Variants in SPPL3 observed in about 807,000 individuals in gnomAD.
SPPL3 encodes signal peptide peptidase like 3.
Under a neutral mutation model 42.4 loss-of-function variants are expected in SPPL3, and 5 were observed. The ratio of observed to expected loss-of-function variants is 0.12; its 90% CI spans 0.06 to 0.25. The LOEUF is 0.25. Ranked by LOEUF, SPPL3 falls within the 10% of genes least tolerant of loss-of-function variation. The probability of loss-of-function intolerance (pLI) is 1.00; values close to 1 mark genes in which losing one functional copy is unlikely to be tolerated. For missense variants in SPPL3, 235 were observed against 489.0 expected (o/e 0.48, Z 4.90); for synonymous variants, 195 against 181.8 (o/e 1.07, Z -0.58).
intron 1 of SPPL3, among the ~76,000 whole-genome samples, chr12:120,839,219 G>A (rs1202978940): frequency 6.6e-6 from 1 of 151,666 alleles, no homozygotes; most frequent in East Asian, 1.9e-4. Context: ...GGACATGGAT[G>A]AAATTGGAAA....
At chr12:120,833,555 C>T (rs957664839) in intron 1 of SPPL3, among the ~76,000 whole-genome samples, 9 of 151,064 alleles carry the variant, frequency 6.0e-5, no homozygotes, top group South Asian at 2.1e-4. Flanking sequence ...ACAAGCCAGG[C>T]GCAGTGGCTC....
At chr12:120,887,318 C>T (rs1873497767) in intron 1 of SPPL3, among the ~76,000 whole-genome samples, 2 of 151,882 alleles carry the variant, frequency 1.3e-5, no homozygotes, top group African/African-American at 4.8e-5. Context: ...ACATATATAC[C>T]ATATATTATA....
At chr12:120,828,603 C>G (rs562404179) in intron 1 of SPPL3, among the ~76,000 whole-genome samples, 43 of 152,246 alleles carry the variant, frequency 2.8e-4, no homozygotes, top group Non-Finnish European at 4.4e-4. Context: ...TTGGAGGATT[C>G]ACATTAACTG....
intron 2 of SPPL3, among the ~76,000 whole-genome samples, chr12:120,796,407 T>C (rs1388063612): frequency 6.6e-6 from 1 of 152,124 alleles, no homozygotes; most frequent in African/African-American, 2.4e-5. Context: ...CATGTATCTA[T>C]CTAACTTTTT....
chr12:120,861,938 T>C (rs187525816), intron 1 of SPPL3, among the ~76,000 whole-genome samples: 32 of 152,302 alleles, frequency 2.1e-4, no homozygotes, highest in Middle Eastern at 3.4e-3. Context: ...ATGTCTTCAA[T>C]TCTAGAATTT....
chr12:120,845,990 C>T (rs567199669), intron 1 of SPPL3, among the ~76,000 whole-genome samples: 1 of 152,028 alleles, frequency 6.6e-6, no homozygotes, highest in Non-Finnish European at 1.5e-5. Flanking sequence ...CTCCGCCTCC[C>T]GGGTTCAAGC....
At position 120,820,303 on chromosome 12, in the gene SPPL3, TA is replaced by T. The variant is rs202230201; in HGVS notation, c.24-9418del. ...ATAGGACTTAATTTGTATCTTTCTC[TA>T]AATTTTTTTTTTTTTTTTTTTTTTT... On this transcript the variant is annotated intron_variant, in intron 1 of 10. Coordinates refer to ENST00000353487, the MANE Select transcript of SPPL3 (RefSeq NM_139015.5). Among the ~76,000 whole-genome samples, 192 of 144,408 alleles carry T rather than the reference TA, an allele frequency of 1.3e-3. 4 individuals carry two copies. The highest frequency in any genetic ancestry group is 3.4e-3 in the Middle Eastern group (1 of 294). 94.7% of individuals were successfully genotyped at this position (144,408 alleles called of 152,430 possible). A position where few individuals can be genotyped will look rare whatever the true frequency, so the allele number is the denominator to read the frequency against.
At chr12:120,794,158 T>C (rs755523607) in intron 2 of SPPL3, among the ~76,000 whole-genome samples, 6 of 152,260 alleles carry the variant, frequency 3.9e-5, no homozygotes, top group Non-Finnish European at 5.9e-5. Context: ...CCTTCTTGTC[T>C]GTGGTAGTAT....
At chr12:120,821,246 T>A (rs1289755337) in intron 1 of SPPL3, among the ~76,000 whole-genome samples, 11 of 152,214 alleles carry the variant, frequency 7.2e-5, no homozygotes, top group Non-Finnish European at 7.3e-5. Flanking sequence ...CATTAAAGGC[T>A]TCGATGGCAA....
Position 120,783,704 on chromosome 12 carries a change from TA to T in SPPL3, c.358del (p.Tyr120IlefsTer2), listed in dbSNP as rs1215010883. The T allele has an allele frequency of 6.2e-7, 1 of 1,613,798 alleles. No individual in the cohort carries two copies. The highest frequency in any genetic ancestry group is 1.7e-5 in the Admixed American group (1 of 60,022). Reference sequence around the variant, plus strand: ...CTGAGGTGAGCAGGGTCTTGTTAAATACTGGCACATCGGGAGGAGAAGAAAA... The same window carrying T: ...CTGAGGTGAGCAGGGTCTTGTTAAATCTGGCACATCGGGAGGAGAAGAAAA... Reference protein sequence around the residue: ...FAFLLLPMCQYLTRPCSPQNK... With the variant: ...FAFLLLPMCQXLTRPCSPQNK... On this transcript the variant is annotated frameshift_variant, in exon 5 of 11. Transcript: ENST00000353487. LOFTEE classifies it high-confidence loss of function.
At chr12:120,832,217 G>T (rs761049685) in intron 1 of SPPL3, among the ~76,000 whole-genome samples, 2 of 152,116 alleles carry the variant, frequency 1.3e-5, no homozygotes, top group Non-Finnish European at 2.9e-5. Context: ...GGACACCTTG[G>T]AGATAAGCAA....
intron 1 of SPPL3, among the ~76,000 whole-genome samples, chr12:120,900,465 C>G (rs73415712): frequency 2.0e-5 from 3 of 151,408 alleles, no homozygotes; most frequent in African/African-American, 4.9e-5. Context: ...ATCAGCCGGG[C>G]GTGGTGGGGC....
chr12:120,890,168 G>C (rs574575068), intron 1 of SPPL3, among the ~76,000 whole-genome samples: 23 of 152,174 alleles, frequency 1.5e-4, no homozygotes, highest in Non-Finnish European at 3.4e-4. Flanking sequence ...AGAGTTACTT[G>C]AACCTGGGAG....
At chr12:120,802,431 A>ATTTTTTTTTTTTT in intron 2 of SPPL3, among the ~76,000 whole-genome samples, 1 of 105,162 alleles carries the variant, frequency 9.5e-6, no homozygotes, top group Non-Finnish European at 1.8e-5. Flanking sequence ...ATATATATAT[A>ATTTTTTTTTTTTT]TTTTTTTTTT....
chr12:120,903,591 C>T, intron 1 of SPPL3: 1 of 455,466 alleles, frequency 2.2e-6, no homozygotes, highest in Non-Finnish European at 3.9e-6. Context: ...TCACCTGCTC[C>T]GCCCATAGCC....
intron 1 of SPPL3, chr12:120,835,758 T>A (rs1290759773): frequency 3.3e-5 from 5 of 152,132 alleles, no homozygotes; most frequent in Admixed American, 1.3e-4. Flanking sequence ...CCCCTGCTAT[T>A]TTAGGATCAC....
intron 2 of SPPL3, among the ~76,000 whole-genome samples, chr12:120,793,399 G>A (rs1443835098): frequency 1.3e-5 from 2 of 152,292 alleles, no homozygotes; most frequent in East Asian, 3.9e-4. Flanking sequence ...GCCAGGCTGA[G>A]GTAGGAGATC....
chr12:120,826,292 CAAAA>C (rs11341939), intron 1 of SPPL3, among the ~76,000 whole-genome samples: 25 of 118,586 alleles, frequency 2.1e-4, no homozygotes, highest in Admixed American at 4.4e-4. Context: ...AAACTGTCTC[CAAAA>C]AAAAAAAAAA....
chr12:120,880,035 T>C (rs1023221641), intron 1 of SPPL3, among the ~76,000 whole-genome samples: 4 of 151,916 alleles, frequency 2.6e-5, no homozygotes, highest in Middle Eastern at 6.8e-3. Context: ...CTTGATTTTC[T>C]TTTAATTTTA....
Sources: allele counts gnomAD v4.1 joint callset (sites outside exome capture counted in the v4.1 genomes callset), GRCh38; gene constraint gnomAD v4.1.1; transcripts MANE v1.5; gene names NCBI Gene and HGNC (gene_info 2026-07-23, HGNC 2026-07-21).